The following ATP8B2 variants were observed in gnomAD, a reference collection of about 807,000 sequenced individuals.
ATP8B2 encodes phospholipid-transporting ATPase ID.
Under a neutral mutation model 133.4 loss-of-function variants are expected in ATP8B2, and 70 were observed. The ratio of observed to expected loss-of-function variants is 0.52; its 90% CI spans 0.43 to 0.64. ATP8B2 has a LOEUF of 0.64. Among genes scored for constraint, ATP8B2 ranks in the 30% least tolerant of loss-of-function variants. ATP8B2 has a pLI of 0.00. For missense variants in ATP8B2, 1,101 were observed against 1,535.7 expected (o/e 0.72, Z 4.73); for synonymous variants, 517 against 589.5 (o/e 0.88, Z 1.78).
In ATP8B2 at chr1:154,334,402, A is replaced by G; in HGVS notation, c.749-101A>G. ...TATACAGGCTTCTTATCTAGCCAGT[A>G]TCTCTATTCCACCCTGGTGTCCTGC... On this transcript the variant is annotated intron_variant, in intron 10 of 27. Coordinates refer to ENST00000368489, the MANE Select transcript of ATP8B2 (RefSeq NM_001370597.1). This position sits in a 1 kb window ranked among gnomAD's most constrained non-coding sequence, Gnocchi z 4.6. 4 of 1,512,634 alleles carry G rather than the reference A, an allele frequency of 2.6e-6. No individual in the cohort carries two copies. Among genetic ancestry groups the G allele is most frequent in the Non-Finnish European group, 3.6e-6 (4 of 1,098,646 alleles). 93.7% of individuals were successfully genotyped at this position (1,512,634 alleles called of 1,614,324 possible).
Position 154,346,610 on chromosome 1 carries a change from C to CT in ATP8B2, c.3025-7dup, listed in dbSNP as rs758985184. On this transcript the variant is annotated splice_polypyrimidine_tract_variant and intron_variant, in intron 25 of 27. Coordinates refer to ENST00000368489, the MANE Select transcript of ATP8B2 (RefSeq NM_001370597.1). The surrounding 1 kb of genome is among the most constrained non-coding windows in gnomAD (Gnocchi z 4.5). ...GCGTGCGCCTGCCTGACTATGCCTA[C>CT]TTTCTGCAGATTGGGCTCGACACAG... 2 of 1,614,068 alleles carry CT rather than the reference C, an allele frequency of 1.2e-6. No homozygotes were observed. Among genetic ancestry groups the CT allele is most frequent in the Non-Finnish European group, 1.7e-6 (2 of 1,180,000 alleles).
rs758831113 is a variant in ATP8B2 at position 154,348,857 on chromosome 1, C to T, written c.3312C>T (p.Leu1104=). The T allele has an allele frequency of 1.6e-5, 25 of 1,606,180 alleles. No individual in the cohort carries two copies. The highest frequency in any genetic ancestry group is 2.7e-5 in the African/African-American group (2 of 74,750). ...DLSDTVRYTQ[L]VRKKQKAQHR... is the part of the protein sequence containing the mutation. Reference sequence around the variant, plus strand: ...CTCTGCAGGTCCGCTACACACAGCTCGTGAGGAAGAAGCAGAAGGCCCAGC... The same window carrying T: ...CTCTGCAGGTCCGCTACACACAGCTTGTGAGGAAGAAGCAGAAGGCCCAGC... The change falls in exon 28 of 28, where the codon CTC becomes CTT. Residue 1104 remains leucine (L), a synonymous_variant. Coordinates refer to ENST00000368489, the MANE Select transcript of ATP8B2 (RefSeq NM_001370597.1).
chr1:154,335,346 G>T (rs914148749), intron 11 of ATP8B2, among the ~76,000 whole-genome samples: 7 of 152,166 alleles, frequency 4.6e-5, no homozygotes, highest in African/African-American at 1.2e-4. Flanking sequence ...CAGTGGCCTG[G>T]TTTTTTACCA....
At position 154,334,889 on chromosome 1, in the gene ATP8B2, A is replaced by T. The variant is rs554036249; in HGVS notation, c.837+298A>T. 1.3e-5 allele frequency among the ~76,000 whole-genome samples: 2 copies of T among 152,260 alleles called. No homozygotes were observed. The highest frequency in any genetic ancestry group is 4.8e-5 in the African/African-American group (2 of 41,546). On this transcript the variant is annotated intron_variant, in intron 11 of 27. Transcript: ENST00000368489. This position sits in a 1 kb window ranked among gnomAD's most constrained non-coding sequence, Gnocchi z 4.6. Reference sequence around the variant, plus strand: ...ATGTGACCTTCTGTTTGCTTTTGCCAGGGACAAGGAGGCCTTCATGGGGAT... The same window carrying T: ...ATGTGACCTTCTGTTTGCTTTTGCCTGGGACAAGGAGGCCTTCATGGGGAT...
In ATP8B2 at chr1:154,349,004, G is replaced by T. The variant is rs557794271; in HGVS notation, c.3459G>T (p.Ala1153=). 2 of 1,614,232 alleles carry T rather than the reference G, an allele frequency of 1.2e-6. No individual in the cohort carries two copies. The highest frequency in any genetic ancestry group is 2.2e-5 in the East Asian group (1 of 44,880). Reference sequence around the variant, plus strand: ...AGAACATGCGGCTGAGCTCTCTCGCGCTCTCCAGCTTCACCACCCGCTCCA... The same window carrying T: ...AGAACATGCGGCTGAGCTCTCTCGCTCTCTCCAGCTTCACCACCCGCTCCA... ...SGKNMRLSSL[A]LSSFTTRSSS... The change falls in exon 28 of 28, where the codon GCG becomes GCT. Residue 1153 remains alanine, a synonymous_variant. Coordinates refer to ENST00000368489, the MANE Select transcript of ATP8B2 (RefSeq NM_001370597.1).
In ATP8B2 at chr1:154,350,340, A is replaced by G. The variant is rs1261492476; in HGVS notation, c.*1222A>G. On this transcript the variant is annotated 3_prime_UTR_variant, in exon 28 of 28. Coordinates refer to ENST00000368489, the MANE Select transcript of ATP8B2 (RefSeq NM_001370597.1). Reference sequence around the variant, plus strand: ...CACCTCAACCTCCCAAAGTGCTGAGATTACAGGCGTGAGCCACCACACCCA... The same window carrying G: ...CACCTCAACCTCCCAAAGTGCTGAGGTTACAGGCGTGAGCCACCACACCCA... The G allele has an allele frequency of 1.3e-5, 2 of 152,176 alleles. No individual in the cohort carries two copies. The highest frequency in any genetic ancestry group is 4.8e-5 in the African/African-American group (2 of 41,422). The allele number at this position is 152,176 out of a possible 1,614,324, so 9.4% of individuals were successfully genotyped here.
At chr1:154,341,108 A>G in intron 13 of ATP8B2, 46 bp downstream of exon 13, 1 of 1,602,392 alleles carries the variant, frequency 6.2e-7, no homozygotes, top group Non-Finnish European at 8.5e-7. Flanking sequence ...CTCGCCTGGA[A>G]GGACAGTGGA....
In ATP8B2 at chr1:154,341,101, G is replaced by A. The variant is rs369917481; in HGVS notation, c.1243+39G>A. ...ACTGGGGACTGGGGGCTTGCACCTC[G>A]CCTGGAAGGACAGTGGAACTGGGGC... is the stretch of plus-strand genomic sequence containing the variant. On this transcript the variant is annotated intron_variant, in intron 13 of 27. Coordinates refer to ENST00000368489, the MANE Select transcript of ATP8B2 (RefSeq NM_001370597.1). 79 of 1,605,608 alleles carry A rather than the reference G, an allele frequency of 4.9e-5. No individual in the cohort carries two copies. The African/African-American group carries it at 8.2e-4, about 17-fold the overall frequency.
Position 154,344,109 on chromosome 1 carries a change from A to T in ATP8B2, c.1924-34A>T. On this transcript the variant is annotated intron_variant, in intron 18 of 27. Coordinates refer to ENST00000368489, the MANE Select transcript of ATP8B2 (RefSeq NM_001370597.1). This position sits in a 1 kb window ranked among gnomAD's most constrained non-coding sequence, Gnocchi z 4.1. ...TGGGCACGGAGGGCTCATGCCTGCA[A>T]TTCTTGTGCCAGGAATCCTTGTGGT... 1 of 1,614,214 alleles carries T rather than the reference A, an allele frequency of 6.2e-7. No homozygotes were observed. Among genetic ancestry groups the T allele is most frequent in the South Asian group, 1.1e-5 (1 of 91,084 alleles).
chr1:154,328,121 G>C lies in ATP8B2; in HGVS notation c.-21G>C. ...TTCTTGCAGGGTCTCCCATGGGATT[G>C]CTGGGATCTTGCTGGGTGAGATGGC... On this transcript the variant is annotated 5_prime_UTR_variant, in exon 2 of 28. Coordinates refer to ENST00000368489, the MANE Select transcript of ATP8B2 (RefSeq NM_001370597.1). The surrounding 1 kb of genome is among the most constrained non-coding windows in gnomAD (Gnocchi z 4.6). 6.2e-7 allele frequency: 1 copy of C among 1,614,172 alleles called. No individual in the cohort carries two copies. Among genetic ancestry groups the C allele is most frequent in the Non-Finnish European group, 8.5e-7 (1 of 1,180,016 alleles).
intron 12 of ATP8B2, among the ~76,000 whole-genome samples, chr1:154,339,037 G>A (rs1686290425): frequency 6.6e-6 from 1 of 152,230 alleles, no homozygotes; most frequent in African/African-American, 2.4e-5. Context: ...TTGCACTTGA[G>A]ATAAGGGAAC....
intron 13 of ATP8B2, among the ~76,000 whole-genome samples, chr1:154,342,130 T>C (rs1378173832): frequency 6.6e-6 from 1 of 152,128 alleles, no homozygotes; most frequent in Non-Finnish European, 1.5e-5. Context: ...TTTCGGTCAG[T>C]GTCTGAGCCT....
In ATP8B2 at chr1:154,343,613, T is replaced by C; in HGVS notation, c.1758+45T>C. Reference sequence around the variant, plus strand: ...GGGCCAGCCTGGGGGGTTCTACTCTTAGTGTGGGGGAGGCGACTTAAGTTT... The same window carrying C: ...GGGCCAGCCTGGGGGGTTCTACTCTCAGTGTGGGGGAGGCGACTTAAGTTT... On this transcript the variant is annotated intron_variant, in intron 17 of 27. Transcript: ENST00000368489. The surrounding 1 kb of genome is among the most constrained non-coding windows in gnomAD (Gnocchi z 5.8). 1 of 1,555,798 alleles carries C rather than the reference T, an allele frequency of 6.4e-7. No homozygotes were observed.
intron 26 of ATP8B2, among the ~76,000 whole-genome samples, chr1:154,347,360 G>A (rs1018847265): frequency 1.3e-5 from 2 of 152,160 alleles, no homozygotes; most frequent in Non-Finnish European, 2.9e-5. Context: ...GAGGGTGGGG[G>A]TGTGGAATGA....
In ATP8B2 at chr1:154,349,688, A is replaced by C; in HGVS notation, c.*570A>C. 1 of 153,986 alleles carries C rather than the reference A, an allele frequency of 6.5e-6. No homozygotes were observed. The highest frequency in any genetic ancestry group is 1.4e-5 in the Non-Finnish European group (1 of 68,998). 9.5% of individuals were successfully genotyped at this position (153,986 alleles called of 1,614,324 possible). On this transcript the variant is annotated 3_prime_UTR_variant, in exon 28 of 28. Coordinates refer to ENST00000368489, the MANE Select transcript of ATP8B2 (RefSeq NM_001370597.1). ...CTTTTATGTTGTGGTTGGTGTCTTA[A>C]CTCTCCTGGGAAAAGGAGGCTGGCA...
Position 154,344,076 on chromosome 1 carries a change from G to A in ATP8B2, c.1923+19G>A. The A allele has an allele frequency of 6.2e-7, 1 of 1,614,116 alleles. No individual in the cohort carries two copies. The highest frequency in any genetic ancestry group is 8.5e-7 in the Non-Finnish European group (1 of 1,179,948). ...CATGATGGTACGGGCTGCGGGACGG[G>A]CCAAGGATGGGCACGGAGGGCTCAT... On this transcript the variant is annotated intron_variant, in intron 18 of 27. Coordinates refer to ENST00000368489, the MANE Select transcript of ATP8B2 (RefSeq NM_001370597.1). The surrounding 1 kb of genome is among the most constrained non-coding windows in gnomAD (Gnocchi z 4.1).
rs755713044 is a variant in ATP8B2, at chr1:154,331,400, G to A, written c.304-44G>A. 38 of 1,594,754 alleles carry A rather than the reference G, an allele frequency of 2.4e-5. No homozygotes were observed. The East Asian group carries it at 7.8e-4, about 33-fold the overall frequency. ...GTTCTACTGATCAACGAATTCCTTC[G>A]AGGCGGGGGAAGGTGTCTTACCTTT... is the stretch of plus-strand genomic sequence containing the variant. On this transcript the variant is annotated intron_variant, in intron 5 of 27. Coordinates refer to ENST00000368489, the MANE Select transcript of ATP8B2 (RefSeq NM_001370597.1). This position sits in a 1 kb window ranked among gnomAD's most constrained non-coding sequence, Gnocchi z 4.8.
At chr1:154,330,516 A>AACCT in intron 3 of ATP8B2, 62 bp downstream of exon 3, 1 of 1,568,488 alleles carries the variant, frequency 6.4e-7, no homozygotes, top group Non-Finnish European at 8.8e-7. Flanking sequence ...GGGCAAGGAC[A>AACCT]ACCTACCGTT....
At chr1:154,336,011 C>T (rs1686167823) in intron 11 of ATP8B2, among the ~76,000 whole-genome samples, 3 of 145,994 alleles carry the variant, frequency 2.1e-5, no homozygotes, top group Admixed American at 1.4e-4. Flanking sequence ...CACTGCACTC[C>T]AGCCTGGGCG....
Sources: allele counts gnomAD v4.1 joint callset (sites outside exome capture counted in the v4.1 genomes callset), GRCh38; gene constraint gnomAD v4.1.1; non-coding constraint Gnocchi (gnomAD v3.1); transcripts MANE v1.5; gene names NCBI Gene and HGNC (gene_info 2026-07-23, HGNC 2026-07-21).